The following LDB1 variants were observed in gnomAD, a reference collection of about 807,000 sequenced individuals.
LDB1 encodes the protein LIM domain binding 1, also known as LIM domain-binding protein 1.
In LDB1, 6 loss-of-function variants were observed where a neutral mutation model predicts 49.7. The observed-to-expected ratio is 0.12, with a 90% CI of 0.07 to 0.24. The LOEUF is 0.24. Ranked by LOEUF, LDB1 falls within the 10% of genes least tolerant of loss-of-function variation. LDB1 has a pLI of 1.00. For missense variants in LDB1, 341 were observed against 561.7 expected (o/e 0.61, Z 3.97); for synonymous variants, 233 against 202.0 (o/e 1.15, Z -1.30).
At chr10:102,120,585 A>G (rs1344480076), upstream of LDB1, 1 of 176,836 alleles carries the variant, frequency 5.7e-6, no homozygotes, top group Non-Finnish European at 1.1e-5. Flanking sequence ...AGCGCGCAGC[A>G]AGCGACGACG....
chr10:102,115,254 C>T (rs1484341757), intron 1 of LDB1, among the ~76,000 whole-genome samples: 3 of 152,164 alleles, frequency 2.0e-5, no homozygotes, highest in Non-Finnish European at 4.4e-5. Flanking sequence ...GCACGGTGCT[C>T]AGGAGTGAGC....
At chr10:102,102,612 T>G (rs1328013116), downstream of LDB1, among the ~76,000 whole-genome samples, 1 of 152,206 alleles carries the variant, frequency 6.6e-6, no homozygotes, top group Non-Finnish European at 1.5e-5. Context: ...GTGAGTCAGC[T>G]TCCATTCCCA....
rs890061377 is a variant in LDB1 at position 102,117,129 on chromosome 10, G to T, written c.25+2957C>A. On this transcript the variant is annotated intron_variant, in intron 1 of 10. Transcript: ENST00000673968. The surrounding 1 kb of genome is among the most constrained non-coding windows in gnomAD (Gnocchi z 4.2). ...AAATCACTGTCCTCATGGGGAGGGGGAAATGTGCTCTGGCTTTTGCCTCCA... is the reference window on the plus strand; with the variant it reads ...AAATCACTGTCCTCATGGGGAGGGGTAAATGTGCTCTGGCTTTTGCCTCCA... Among the ~76,000 whole-genome samples the T allele has an allele frequency of 2.0e-5, 3 of 152,128 alleles. No homozygotes were observed. The highest frequency in any genetic ancestry group is 4.8e-5 in the African/African-American group (2 of 41,420).
intron 1 of LDB1, among the ~76,000 whole-genome samples, chr10:102,115,807 T>TC (rs1248982642): frequency 3.3e-5 from 5 of 150,310 alleles, no homozygotes; most frequent in Admixed American, 6.6e-5. Context: ...GATATTTCTA[T>TC]TTTTTTTCCT....
chr10:102,121,150 G>T (rs2068415097), upstream of LDB1, among the ~76,000 whole-genome samples: 1 of 152,076 alleles, frequency 6.6e-6, no homozygotes. Flanking sequence ...TGGGGGGAGG[G>T]GGCTGCGGAA....
At chr10:102,105,290 G>T (rs940666673), downstream of LDB1, among the ~76,000 whole-genome samples, 8 of 152,168 alleles carry the variant, frequency 5.3e-5, no homozygotes, top group African/African-American at 1.9e-4. Context: ...ATTCCTTGGG[G>T]TCCTGAGGCA....
In LDB1 at chr10:102,117,384, A is replaced by T. The variant is rs1391662046; in HGVS notation, c.25+2702T>A. 6.6e-6 allele frequency among the ~76,000 whole-genome samples: 1 copy of T among 152,252 alleles called. No individual in the cohort carries two copies. ...CAGAACAGGTCCAGCTAAAAAGAGC[A>T]AGTCTGAGTTAGAAGGCCTTAGAAT... is the stretch of plus-strand genomic sequence containing the variant. On this transcript the variant is annotated intron_variant, in intron 1 of 10. Transcript: ENST00000673968. This position sits in a 1 kb window ranked among gnomAD's most constrained non-coding sequence, Gnocchi z 4.2.
upstream of LDB1, among the ~76,000 whole-genome samples, chr10:102,120,677 A>T (rs1377926090): frequency 6.6e-6 from 1 of 152,150 alleles, no homozygotes; most frequent in Non-Finnish European, 1.5e-5. Flanking sequence ...CTTTTAAAAA[A>T]GGAGACGGAG....
intron 10 of LDB1, among the ~76,000 whole-genome samples, chr10:102,108,697 C>T (rs1213606473): frequency 1.3e-5 from 2 of 152,198 alleles, no homozygotes; most frequent in Non-Finnish European, 2.9e-5. Flanking sequence ...TATTCTGGAT[C>T]TGCAAACACT....
downstream of LDB1, among the ~76,000 whole-genome samples, chr10:102,103,532 G>A (rs919750437): frequency 5.3e-5 from 8 of 151,884 alleles, no homozygotes; most frequent in African/African-American, 1.9e-4. Flanking sequence ...ATGAGGTCTC[G>A]GTTGGGTGGA....
At chr10:102,115,006 GC>G in intron 1 of LDB1, 1 of 272,370 alleles carries the variant, frequency 3.7e-6, no homozygotes, top group Non-Finnish European at 5.6e-6. Context: ...TCAGAATGAG[GC>G]CCCAGGGCGG....
intron 1 of LDB1, among the ~76,000 whole-genome samples, chr10:102,112,046 G>A (rs138690325): frequency 2.0e-5 from 3 of 152,066 alleles, no homozygotes; most frequent in South Asian, 2.1e-4. Context: ...TAAGAAACAA[G>A]AGTAGTCCAC....
Position 102,109,259 on chromosome 10 carries a change from T to TGCCCTGATCCC in LDB1, c.857-93_857-83dup, listed in dbSNP as rs2068214786. 1 of 1,605,246 alleles carries TGCCCTGATCCC rather than the reference T, an allele frequency of 6.2e-7. No individual in the cohort carries two copies. Among genetic ancestry groups the TGCCCTGATCCC allele is most frequent in the African/African-American group, 1.3e-5 (1 of 74,648 alleles). On this transcript the variant is annotated intron_variant, in intron 9 of 10. Coordinates refer to ENST00000673968, the MANE Select transcript of LDB1 (RefSeq NM_001113407.3). This position sits in a 1 kb window ranked among gnomAD's most constrained non-coding sequence, Gnocchi z 5.8. ...TTGTGGCTCCCAAGGAGCATGAGCC[T>TGCCCTGATCCC]GCCCTGATCCCAATTTTGTAGACCC...
intron 1 of LDB1, chr10:102,114,745 T>G (rs1176343947): frequency 2.4e-6 from 2 of 833,592 alleles, no homozygotes; most frequent in African/African-American, 3.7e-5. Context: ...CTCCGCTCTT[T>G]CCTCTCTCCT....
downstream of LDB1, among the ~76,000 whole-genome samples, chr10:102,104,478 A>G (rs1484057595): frequency 6.6e-6 from 1 of 152,170 alleles, no homozygotes; most frequent in Non-Finnish European, 1.5e-5. Flanking sequence ...CCACATATGT[A>G]CCTGAAAACA....
At chr10:102,118,628 T>C (rs554230003) in intron 1 of LDB1, among the ~76,000 whole-genome samples, 1 of 152,316 alleles carries the variant, frequency 6.6e-6, no homozygotes, top group African/African-American at 2.4e-5. Flanking sequence ...AGAATCACAA[T>C]TTAAGACTCA....
chr10:102,110,831 G>T (rs750867040), intron 5 of LDB1, 38 bp downstream of exon 5: 2 of 1,588,512 alleles, frequency 1.3e-6, no homozygotes, highest in Non-Finnish European at 1.7e-6. Context: ...GACATAGGAG[G>T]TATACACCCT....
rs908169010 is a variant in LDB1, at chr10:102,110,389, T to G, written c.525+140A>C. The G allele has an allele frequency of 1.2e-5, 10 of 827,240 alleles. 1 individual carries two copies. The highest frequency in any genetic ancestry group is 3.6e-4 in the Middle Eastern group (1 of 2,764). 51.2% of individuals were successfully genotyped at this position (827,240 alleles called of 1,614,324 possible). A position where few individuals can be genotyped will look rare whatever the true frequency, so the allele number is the denominator to read the frequency against. ...AACACAATACATGTTTGCTGACGGT[T>G]GCAACATGCCTACCCGCCCTTCTTA... On this transcript the variant is annotated intron_variant, in intron 6 of 10. Transcript: ENST00000673968.
intron 10 of LDB1, 182 bp downstream of exon 10, chr10:102,108,847 T>G (rs1257107432): frequency 9.4e-6 from 7 of 747,084 alleles, no homozygotes; most frequent in Non-Finnish European, 1.6e-5. Flanking sequence ...GTCTGTGTGA[T>G]CACACCCATG....
Sources: gnomAD v4.1 joint callset for allele counts (sites outside exome capture counted in the v4.1 genomes callset) on GRCh38, gnomAD v4.1.1 for gene constraint, Gnocchi (gnomAD v3.1) non-coding constraint, MANE v1.5 for transcripts, NCBI Gene and HGNC (gene_info 2026-07-23, HGNC 2026-07-21) for gene names.